The following PGBD5 variants were observed in gnomAD, a reference collection of about 807,000 sequenced individuals.
PGBD5 encodes the protein piggyBac transposable element-derived protein 5.
In PGBD5, 14 loss-of-function variants were observed where a neutral mutation model predicts 47.9. The ratio of observed to expected loss-of-function variants is 0.29; its 90% CI spans 0.19 to 0.46. PGBD5 has a LOEUF of 0.46. Ranked by LOEUF, PGBD5 falls within the 20% of genes least tolerant of loss-of-function variation. The pLI is 1.00. For synonymous variants in PGBD5, 316 were observed against 306.3 expected, an observed-to-expected ratio of 1.03 and a Z score of -0.33; for missense variants, 635 against 716.0, an observed-to-expected ratio of 0.89 and a Z score of 1.29.
At chr1:230,422,749 A>G (rs1209535014) in intron 1 of PGBD5, among the ~76,000 whole-genome samples, 1 of 152,166 alleles carries the variant, frequency 6.6e-6, no homozygotes, top group African/African-American at 2.4e-5. Context: ...ACAGAAGGAA[A>G]GGGCTGGGAA....
In PGBD5 at chr1:230,357,001, C is replaced by T; in HGVS notation, c.652G>A (p.Val218Met). 3.1e-6 allele frequency: 5 copies of T among 1,614,150 alleles called. No homozygotes were observed. Among genetic ancestry groups the T allele is most frequent in the Non-Finnish European group, 4.2e-6 (5 of 1,180,038 alleles). Residue 218 changes from valine to methionine, a missense_variant, in exon 2 of 7, where the codon GTG becomes ATG. Transcript: ENST00000391860. This position sits in a 1 kb window ranked among gnomAD's most constrained non-coding sequence, Gnocchi z 5.7. The stretch of plus-strand genomic sequence containing the variant: ...GTGGTCTGGCTGGAGCGGAAGGCCA[C>T]GACGTGGAAGTACTTGAGGATCTTC... ...FEKILKYFHV[V>M]AFRSSQTTHG...
chr1:230,358,090 T>C (rs936064074), intron 1 of PGBD5, among the ~76,000 whole-genome samples: 1 of 152,032 alleles, frequency 6.6e-6, no homozygotes, highest in African/African-American at 2.4e-5. Context: ...TATATGTATA[T>C]ACATTTAAAA....
chr1:230,369,892 G>T (rs778656562), intron 1 of PGBD5, among the ~76,000 whole-genome samples: 2 of 152,208 alleles, frequency 1.3e-5, no homozygotes, highest in Non-Finnish European at 2.9e-5. Flanking sequence ...GAGAAAGAAT[G>T]AGAGAAAAGG....
At chr1:230,368,588 C>T (rs1471243059) in intron 1 of PGBD5, among the ~76,000 whole-genome samples, 1 of 152,224 alleles carries the variant, frequency 6.6e-6, no homozygotes, top group Non-Finnish European at 1.5e-5. Context: ...GATGATGACT[C>T]TTCAGGGCTT....
intron 1 of PGBD5, among the ~76,000 whole-genome samples, chr1:230,388,120 A>G (rs1301880367): frequency 1.3e-5 from 2 of 152,198 alleles, no homozygotes; most frequent in African/African-American, 4.8e-5. Flanking sequence ...CTCTACTGCA[A>G]TGGAGAGCCA....
intron 1 of PGBD5, among the ~76,000 whole-genome samples, chr1:230,405,051 T>C (rs1237745773): frequency 6.7e-6 from 1 of 148,906 alleles, no homozygotes; most frequent in Non-Finnish European, 1.5e-5. Context: ...AAAAATTAGC[T>C]GGGTGTGGTG....
chr1:230,362,179 C>T (rs1329468736), intron 1 of PGBD5: 12 of 1,269,794 alleles, frequency 9.5e-6, no homozygotes. Flanking sequence ...CAGGCTCACT[C>T]TGCTGCACGA....
chr1:230,396,887 T>G (rs1162578033), intron 1 of PGBD5, among the ~76,000 whole-genome samples: 3 of 152,036 alleles, frequency 2.0e-5, no homozygotes, highest in Non-Finnish European at 4.4e-5. Flanking sequence ...GTTAGCAAGG[T>G]GCTATGTACA....
intron 1 of PGBD5, among the ~76,000 whole-genome samples, chr1:230,375,839 A>T (rs1668003341): frequency 6.6e-6 from 1 of 150,694 alleles, no homozygotes; most frequent in African/African-American, 2.4e-5. Context: ...GTTTTGTTTT[A>T]ATCCTTCCAC....
At chr1:230,374,922 A>T (rs1667987864) in intron 1 of PGBD5, among the ~76,000 whole-genome samples, 2 of 152,214 alleles carry the variant, frequency 1.3e-5, no homozygotes, top group African/African-American at 2.4e-5. Flanking sequence ...GCCCATGAGG[A>T]GAGAGCAGGC....
At chr1:230,396,386 A>C (rs1571858146) in intron 1 of PGBD5, among the ~76,000 whole-genome samples, 3 of 87,082 alleles carry the variant, frequency 3.4e-5, no homozygotes, top group African/African-American at 4.8e-5. Flanking sequence ...TTGCTCCCCA[A>C]GCTCCTCCCT....
intron 1 of PGBD5, among the ~76,000 whole-genome samples, chr1:230,409,701 T>C (rs545786064): frequency 1.3e-5 from 2 of 152,262 alleles, no homozygotes; most frequent in South Asian, 4.2e-4. Context: ...TAAAGTTTCT[T>C]TATGGGGTGA....
chr1:230,351,255 G>A (rs1667557250), intron 2 of PGBD5, among the ~76,000 whole-genome samples, 163 bp from the exon 3 acceptor site: 1 of 152,158 alleles, frequency 6.6e-6, no homozygotes, highest in Non-Finnish European at 1.5e-5. Flanking sequence ...TAGGAGGGTG[G>A]TATCATTATC....
chr1:230,420,765 T>C (rs1349988334), intron 1 of PGBD5, among the ~76,000 whole-genome samples: 2 of 152,236 alleles, frequency 1.3e-5, no homozygotes, highest in Non-Finnish European at 2.9e-5. Flanking sequence ...GTCTTGGGTA[T>C]GTCTTTATCA....
chr1:230,373,221 C>T (rs1377847050), intron 1 of PGBD5, among the ~76,000 whole-genome samples: 1 of 152,150 alleles, frequency 6.6e-6, no homozygotes, highest in Non-Finnish European at 1.5e-5. Context: ...AGGTGCAACC[C>T]GTGTCACCTG....
intron 1 of PGBD5, among the ~76,000 whole-genome samples, chr1:230,386,707 T>C (rs1293870973): frequency 6.6e-6 from 1 of 152,238 alleles, no homozygotes; most frequent in Admixed American, 6.5e-5. Flanking sequence ...AGGTCCTTTG[T>C]TGGTTTTGCC....
chr1:230,388,372 T>G (rs1656700350), intron 1 of PGBD5, among the ~76,000 whole-genome samples: 1 of 151,272 alleles, frequency 6.6e-6, no homozygotes, highest in South Asian at 2.1e-4. Flanking sequence ...AATCGTCCTC[T>G]GGCTGCACAT....
At position 230,357,619 on chromosome 1, in the gene PGBD5, T is replaced by C. The variant is rs1407803775; in HGVS notation, c.332-298A>G. 6.6e-6 allele frequency among the ~76,000 whole-genome samples: 1 copy of C among 152,100 alleles called. No homozygotes were observed. Among genetic ancestry groups the C allele is most frequent in the Non-Finnish European group, 1.5e-5 (1 of 68,024 alleles). On this transcript the variant is annotated intron_variant, in intron 1 of 6. Coordinates refer to ENST00000391860, the MANE Select transcript of PGBD5 (RefSeq NM_001258311.2). This position sits in a 1 kb window ranked among gnomAD's most constrained non-coding sequence, Gnocchi z 5.7. ...CAGCCCTGACACCCGGAGTGCAAGC[T>C]GCAGCCTGCATCTCCACACCAGACC...
At chr1:230,369,129 T>G (rs2795050) in intron 1 of PGBD5, among the ~76,000 whole-genome samples, 97,214 of 152,164 alleles carry the variant, frequency 0.64, 32,237 homozygotes, top group Non-Finnish European at 0.74. Flanking sequence ...GCCCCAAAGG[T>G]TCTGGCTCTT....
Sources: allele counts gnomAD v4.1 joint callset (sites outside exome capture counted in the v4.1 genomes callset), GRCh38; gene constraint gnomAD v4.1.1; non-coding constraint Gnocchi (gnomAD v3.1); transcripts MANE v1.5; gene names NCBI Gene and HGNC (gene_info 2026-07-23, HGNC 2026-07-21).